RPH3A: variants seen among roughly 807,000 people sequenced by gnomAD.
RPH3A encodes rabphilin-3A.
Under a neutral mutation model 102.2 loss-of-function variants are expected in RPH3A, and 48 were observed. That is an observed-to-expected ratio of 0.47 (90% CI 0.37 to 0.60). The LOEUF (loss-of-function observed/expected upper bound fraction) is 0.60. Ranked by LOEUF, RPH3A falls within the 20% of genes least tolerant of loss-of-function variation. The probability of loss-of-function intolerance (pLI) is 0.00; values close to 1 mark genes in which losing one functional copy is unlikely to be tolerated. For missense variants in RPH3A, 781 were observed against 910.1 expected (o/e 0.86, Z 1.83); for synonymous variants, 310 against 324.3 (o/e 0.96, Z 0.47).
chr12:112,787,436 A>G (rs951201826), upstream of RPH3A, among the ~76,000 whole-genome samples: 4 of 152,164 alleles, frequency 2.6e-5, no homozygotes, highest in African/African-American at 9.7e-5. Flanking sequence ...TGGGCAAGTC[A>G]CTTGAGCTCT....
intron 1 of RPH3A, among the ~76,000 whole-genome samples, chr12:112,591,085 T>G (rs1420122393): frequency 6.6e-6 from 1 of 152,122 alleles, no homozygotes; most frequent in Non-Finnish European, 1.5e-5. Context: ...CCTAAGTAGC[T>G]GGTACCACAG....
At chr12:112,866,264 A>G (rs2042610105) in intron 6 of RPH3A, among the ~76,000 whole-genome samples, 1 of 152,236 alleles carries the variant, frequency 6.6e-6, no homozygotes, top group South Asian at 2.1e-4. Flanking sequence ...TTTGTGACCC[A>G]TTAAGTTTTC....
intron 1 of RPH3A, among the ~76,000 whole-genome samples, chr12:112,626,843 A>C (rs1274686086): frequency 1.2e-4 from 8 of 69,414 alleles, no homozygotes; most frequent in African/African-American, 4.6e-4. Flanking sequence ...GATTAAGAAA[A>C]TGTGGCACAT....
At chr12:112,611,111 C>A (rs41463853) in intron 1 of RPH3A, among the ~76,000 whole-genome samples, 5,847 of 152,244 alleles carry the variant, frequency 0.038, 217 homozygotes, top group African/African-American at 0.092. Flanking sequence ...ATGAATGAAC[C>A]ATTAGATAAT....
In RPH3A at chr12:112,894,794, A is replaced by G. The variant is rs573207818; in HGVS notation, c.1857+135A>G. On this transcript the variant is annotated intron_variant, in intron 20 of 21. Coordinates refer to ENST00000389385, the MANE Select transcript of RPH3A (RefSeq NM_001143854.2). ...CCATTTGAAATGATGATGTAGAAAA[A>G]TATTTGAAAAATATTTGAGAACATG... 8.6e-5 allele frequency: 67 copies of G among 774,960 alleles called. 2 individuals carry two copies. In the East Asian group the frequency reaches 1.8e-3, roughly 21 times the overall value. 48.0% of individuals were successfully genotyped at this position (774,960 alleles called of 1,614,324 possible).
intron 1 of RPH3A, among the ~76,000 whole-genome samples, chr12:112,578,784 C>A (rs934765031): frequency 6.6e-6 from 1 of 152,066 alleles, no homozygotes; most frequent in Non-Finnish European, 1.5e-5. Flanking sequence ...GCAGGCAGAG[C>A]CAGAAAATAC....
chr12:112,738,841 T>A (rs764004938), intron 1 of RPH3A, among the ~76,000 whole-genome samples: 1 of 152,190 alleles, frequency 6.6e-6, no homozygotes, highest in Non-Finnish European at 1.5e-5. Flanking sequence ...AACCAAAGGC[T>A]CATCATAACA....
chr12:112,856,524 G>A (rs551715973), intron 5 of RPH3A, among the ~76,000 whole-genome samples: 18 of 151,690 alleles, frequency 1.2e-4, no homozygotes, highest in Admixed American at 4.6e-4. Flanking sequence ...ATTCATAGCC[G>A]TAAGTACACA....
chr12:112,648,014 T>C (rs1380347621), intron 1 of RPH3A, among the ~76,000 whole-genome samples: 1 of 152,232 alleles, frequency 6.6e-6, no homozygotes, highest in South Asian at 2.1e-4. Context: ...CTATAAAATA[T>C]ATTAAAAAAT....
chr12:112,776,225 T>C lies in RPH3A; in HGVS notation c.-139-15918T>C, dbSNP rs563862052. Among the ~76,000 whole-genome samples the C allele has an allele frequency of 3.3e-5, 5 of 152,356 alleles. No homozygotes were observed. The South Asian group carries it at 1.0e-3, about 32-fold the overall frequency. Reference sequence around the variant, plus strand: ...GTGAAGAAGTCTGCTAAGAAGTCACTTTAATTTCTCTATGACTTAGTTTCC... The same window carrying C: ...GTGAAGAAGTCTGCTAAGAAGTCACCTTAATTTCTCTATGACTTAGTTTCC... On this transcript the variant is annotated intron_variant, in intron 1 of 21. Transcript: ENST00000543106.
At chr12:112,636,820 T>C (rs558210093) in intron 1 of RPH3A, among the ~76,000 whole-genome samples, 5 of 152,246 alleles carry the variant, frequency 3.3e-5, no homozygotes, top group African/African-American at 1.2e-4. Context: ...ACTCTAGACT[T>C]TCTCCCATAA....
intron 4 of RPH3A, among the ~76,000 whole-genome samples, chr12:112,838,829 G>A (rs1017917183): frequency 6.6e-6 from 1 of 152,090 alleles, no homozygotes; most frequent in Non-Finnish European, 1.5e-5. Flanking sequence ...TATTTCAGGG[G>A]GAAACATCTA....
intron 1 of RPH3A, among the ~76,000 whole-genome samples, chr12:112,663,429 G>T (rs891721439): frequency 1.3e-5 from 2 of 151,912 alleles, no homozygotes; most frequent in Admixed American, 1.3e-4. Context: ...GCCCAGGATG[G>T]TCTTGAACTC....
At chr12:112,679,117 T>C (rs1435805308) in intron 1 of RPH3A, among the ~76,000 whole-genome samples, 1 of 152,024 alleles carries the variant, frequency 6.6e-6, no homozygotes, top group Non-Finnish European at 1.5e-5. Context: ...TGGGAAGCCA[T>C]GTGAAGGTGA....
chr12:112,866,719 T>A, intron 6 of RPH3A, 38 bp from the exon 7 acceptor site: 1 of 1,562,352 alleles, frequency 6.4e-7, no homozygotes, highest in East Asian at 2.3e-5. Context: ...CCCATGAGCA[T>A]GGCTCATCTG....
At chr12:112,660,904 C>A (rs564925899) in intron 1 of RPH3A, among the ~76,000 whole-genome samples, 1 of 152,228 alleles carries the variant, frequency 6.6e-6, no homozygotes, top group African/African-American at 2.4e-5. Context: ...TGGGATCTGA[C>A]AGCTGGGCAG....
At chr12:112,878,090 G>C (rs1434374329) in intron 13 of RPH3A, among the ~76,000 whole-genome samples, 3 of 152,206 alleles carry the variant, frequency 2.0e-5, no homozygotes, top group Non-Finnish European at 2.9e-5. Context: ...AAGATCAGCT[G>C]TCCCCCTTCG....
chr12:112,648,731 C>G (rs1173605555), intron 1 of RPH3A, among the ~76,000 whole-genome samples: 1 of 108,338 alleles, frequency 9.2e-6, no homozygotes, highest in Admixed American at 1.3e-4. Flanking sequence ...GGTGACAGAG[C>G]AAGACACGGT....
At chr12:112,829,522 T>A (rs1427179607) in intron 3 of RPH3A, among the ~76,000 whole-genome samples, 1 of 152,188 alleles carries the variant, frequency 6.6e-6, no homozygotes, top group African/African-American at 2.4e-5. Flanking sequence ...TCCTCCTGCC[T>A]TGGCCTCCCA....
Sources: gnomAD v4.1 joint callset for allele counts (sites outside exome capture counted in the v4.1 genomes callset) on GRCh38, gnomAD v4.1.1 for gene constraint, MANE v1.5 for transcripts, NCBI Gene and HGNC (gene_info 2026-07-23, HGNC 2026-07-21) for gene names.